Variants in NRXN3 observed in about 807,000 individuals in gnomAD.
NRXN3 encodes the protein neurexin III.
In NRXN3, 32 loss-of-function variants were observed where a neutral mutation model predicts 137.6. The ratio of observed to expected loss-of-function variants is 0.23; its 90% CI spans 0.18 to 0.31. The LOEUF is 0.31. NRXN3 is among the 10% of genes least tolerant of loss of function. The pLI is 1.00. For missense variants in NRXN3, 1,574 were observed against 2,062.5 expected (o/e 0.76, Z 4.59); for synonymous variants, 798 against 784.5 (o/e 1.02, Z -0.29).
intron 10 of NRXN3, among the ~76,000 whole-genome samples, chr14:78,951,688 G>A (rs772729353): frequency 1.3e-5 from 2 of 152,082 alleles, no homozygotes; most frequent in Admixed American, 6.5e-5. Flanking sequence ...GGCAGGACCC[G>A]TTCTGTCTTG....
chr14:78,548,279 A>G (rs2096655010), intron 4 of NRXN3, among the ~76,000 whole-genome samples: 1 of 152,230 alleles, frequency 6.6e-6, no homozygotes, highest in Non-Finnish European at 1.5e-5. Flanking sequence ...ATATAATATC[A>G]ATCACTTCTT....
chr14:78,444,924 A>T (rs1475889545), intron 4 of NRXN3, among the ~76,000 whole-genome samples: 1 of 37,120 alleles, frequency 2.7e-5, no homozygotes, highest in African/African-American at 2.2e-4. Flanking sequence ...TGTCTCAAAA[A>T]AAAAAAAAAA....
intron 4 of NRXN3, among the ~76,000 whole-genome samples, chr14:78,363,941 G>A (rs931009693): frequency 6.6e-6 from 1 of 152,162 alleles, no homozygotes; most frequent in Non-Finnish European, 1.5e-5. Flanking sequence ...GCCCACTCAA[G>A]CCAGGGCTCT....
intron 15 of NRXN3, among the ~76,000 whole-genome samples, chr14:79,330,556 T>C (rs1290749899): frequency 6.6e-6 from 1 of 152,152 alleles, no homozygotes; most frequent in Non-Finnish European, 1.5e-5. Context: ...GGTTGCCTAA[T>C]ACACATGATG....
intron 16 of NRXN3, among the ~76,000 whole-genome samples, chr14:79,509,208 TAATA>T (rs1352727917): frequency 6.6e-6 from 1 of 151,940 alleles, no homozygotes; most frequent in Non-Finnish European, 1.5e-5. Context: ...ATAATAATAA[TAATA>T]ATAATGCTTT....
At chr14:79,628,095 A>G (rs550344364) in intron 16 of NRXN3, among the ~76,000 whole-genome samples, 317 of 152,318 alleles carry the variant, frequency 2.1e-3, no homozygotes, top group African/African-American at 7.4e-3. Flanking sequence ...AAGTAATTGA[A>G]AGTTTATAGG....
chr14:79,361,407 G>A (rs951310397), intron 15 of NRXN3, among the ~76,000 whole-genome samples: 1 of 152,082 alleles, frequency 6.6e-6, no homozygotes, highest in Admixed American at 6.5e-5. Context: ...CTCTGCCCCT[G>A]ACCAAACAAT....
chr14:79,673,854 A>T (rs1169188083), intron 17 of NRXN3, among the ~76,000 whole-genome samples: 2 of 152,110 alleles, frequency 1.3e-5, no homozygotes, highest in Non-Finnish European at 2.9e-5. Context: ...TCTTTGCAGT[A>T]GCCCCAAGGG....
chr14:78,590,633 G>T lies in NRXN3; in HGVS notation c.758-54487G>T, dbSNP rs536054760. On this transcript the variant is annotated intron_variant, in intron 4 of 20. Coordinates refer to ENST00000335750, the MANE Select transcript of NRXN3 (RefSeq NM_001330195.2). ...TTCCTTTAAGAATAGTAAATTTCAG[G>T]CCAGATGCACTGGCTCATGCCTGTA... Among the ~76,000 whole-genome samples, 5 of 152,264 alleles carry T rather than the reference G, an allele frequency of 3.3e-5. No homozygotes were observed. The South Asian group carries it at 8.3e-4, about 25-fold the overall frequency.
In NRXN3 at chr14:78,657,118, C is replaced by T. The variant is rs117851196; in HGVS notation, c.1221+5792C>T. Reference sequence around the variant, plus strand: ...AGCTTCGGCATTAGATTGGCGCCTGCCTCTCTGAATTTTAACATTACTGCA... The same window carrying T: ...AGCTTCGGCATTAGATTGGCGCCTGTCTCTCTGAATTTTAACATTACTGCA... On this transcript the variant is annotated intron_variant, in intron 6 of 20. Transcript: ENST00000335750. Among the ~76,000 whole-genome samples the T allele has an allele frequency of 1.5e-4, 23 of 151,220 alleles. No homozygotes were observed. The East Asian group carries it at 3.9e-3, about 25-fold the overall frequency.
intron 15 of NRXN3, among the ~76,000 whole-genome samples, chr14:79,151,399 A>T (rs1345418939): frequency 6.6e-6 from 1 of 152,074 alleles, no homozygotes; most frequent in Non-Finnish European, 1.5e-5. Flanking sequence ...TGCAAAAACC[A>T]TAGCAAGTAT....
At chr14:79,515,437 G>A (rs965715813) in intron 16 of NRXN3, among the ~76,000 whole-genome samples, 1 of 150,436 alleles carries the variant, frequency 6.6e-6, no homozygotes. Flanking sequence ...CTGCAGCTTA[G>A]TCTAACCCTG....
chr14:79,005,035 C>T (rs181553290), intron 15 of NRXN3, among the ~76,000 whole-genome samples: 13 of 152,254 alleles, frequency 8.5e-5, no homozygotes, highest in South Asian at 4.1e-4. Flanking sequence ...TACCTGGCCA[C>T]GTAGCAAAGG....
intron 6 of NRXN3, among the ~76,000 whole-genome samples, chr14:78,668,884 G>A (rs1321821888): frequency 6.6e-6 from 1 of 152,008 alleles, no homozygotes; most frequent in African/African-American, 2.4e-5. Context: ...TAAATGGCAG[G>A]CAAAACTTGA....
At chr14:78,866,645 AC>A (rs1465707480) in intron 10 of NRXN3, among the ~76,000 whole-genome samples, 1 of 151,934 alleles carries the variant, frequency 6.6e-6, no homozygotes, top group East Asian at 1.9e-4. Context: ...TGATAGATTA[AC>A]CTATCATAGC....
chr14:79,854,030 T>C, intron 20 of NRXN3: 2 of 984,730 alleles, frequency 2.0e-6, no homozygotes, highest in Non-Finnish European at 2.4e-6. Context: ...TGCCTCCCTG[T>C]ATCATCCTCT....
intron 4 of NRXN3, among the ~76,000 whole-genome samples, chr14:78,637,514 C>T (rs891442945): frequency 9.2e-5 from 14 of 152,208 alleles, no homozygotes; most frequent in Admixed American, 7.2e-4. Flanking sequence ...GGGCCAAGAA[C>T]TTTATTGTAT....
At chr14:79,362,898 G>A (rs1363780875) in intron 15 of NRXN3, among the ~76,000 whole-genome samples, 1 of 152,228 alleles carries the variant, frequency 6.6e-6, no homozygotes, top group East Asian at 1.9e-4. Flanking sequence ...AGTCCTGGCA[G>A]AACAAAGCTT....
chr14:78,524,429 G>A (rs2096343801), intron 4 of NRXN3, among the ~76,000 whole-genome samples: 1 of 152,248 alleles, frequency 6.6e-6, no homozygotes, highest in Non-Finnish European at 1.5e-5. Flanking sequence ...GACTATCTGA[G>A]ATCATCTTTC....
Sources: allele counts gnomAD v4.1 joint callset (sites outside exome capture counted in the v4.1 genomes callset), GRCh38; gene constraint gnomAD v4.1.1; transcripts MANE v1.5; gene names NCBI Gene and HGNC (gene_info 2026-07-23, HGNC 2026-07-21).